The following CPEB2 variants were observed in gnomAD, a reference collection of about 807,000 sequenced individuals.
CPEB2 encodes cytoplasmic polyadenylation element binding protein 2.
CPEB2 carries 56 observed loss-of-function variants against 93.6 expected under a neutral mutation model. That is an observed-to-expected ratio of 0.60 (90% CI 0.48 to 0.75). CPEB2 has a LOEUF of 0.75. Among genes scored for constraint, CPEB2 ranks in the 30% least tolerant of loss-of-function variants. The pLI, the probability that CPEB2 is intolerant of heterozygous loss-of-function variation, is 0.00. For synonymous variants in CPEB2, 764 were observed against 586.3 expected, an observed-to-expected ratio of 1.30 and a Z score of -4.38; for missense variants, 1,579 against 1,395.1, an observed-to-expected ratio of 1.13 and a Z score of -2.10.
chr4:15,024,817 C>T (rs1260235025), intron 4 of CPEB2, among the ~76,000 whole-genome samples: 1 of 147,600 alleles, frequency 6.8e-6, no homozygotes, highest in African/African-American at 2.5e-5. Flanking sequence ...GTGATCTTGG[C>T]TCACTGCAAC....
At chr4:15,044,183 G>T (rs1395758588) in intron 6 of CPEB2, among the ~76,000 whole-genome samples, 2 of 152,174 alleles carry the variant, frequency 1.3e-5, no homozygotes, top group Admixed American at 6.5e-5. Flanking sequence ...TGGCCCGCAG[G>T]CCAAGGCTTC....
At chr4:15,027,648 T>G (rs908595311) in intron 4 of CPEB2, among the ~76,000 whole-genome samples, 1 of 152,112 alleles carries the variant, frequency 6.6e-6, no homozygotes. Flanking sequence ...ATTGGAAGAG[T>G]CTGTCAAATG....
intron 6 of CPEB2, among the ~76,000 whole-genome samples, chr4:15,050,735 CT>C (rs1728149067): frequency 6.6e-6 from 1 of 152,134 alleles, no homozygotes; most frequent in African/African-American, 2.4e-5. Flanking sequence ...TGCCCTCCCA[CT>C]TTTCTTACCA....
chr4:15,023,195 C>G (rs181150448), intron 4 of CPEB2, among the ~76,000 whole-genome samples: 299 of 152,092 alleles, frequency 2.0e-3, no homozygotes, highest in Admixed American at 3.7e-3. Flanking sequence ...GTTTATATCA[C>G]TTGTTTTAAA....
At chr4:15,061,886 T>G (rs34691405) in intron 10 of CPEB2, among the ~76,000 whole-genome samples, 193 bp from the exon 11 acceptor site, 67,429 of 147,980 alleles carry the variant, frequency 0.46, 16,778 homozygotes, top group East Asian at 0.75. Flanking sequence ...GATGTGATGG[T>G]GGTGAGTCAC....
Position 15,003,250 on chromosome 4 carries a change from T to A in CPEB2, c.577T>A (p.Ser193Thr). The A allele has an allele frequency of 6.6e-7, 1 of 1,504,698 alleles. No homozygotes were observed. Among genetic ancestry groups the A allele is most frequent in the Non-Finnish European group, 8.8e-7 (1 of 1,137,096 alleles). 93.2% of individuals were successfully genotyped at this position (1,504,698 alleles called of 1,614,324 possible). A position where few individuals can be genotyped will look rare whatever the true frequency, so the allele number is the denominator to read the frequency against. The change falls in exon 1 of 12, where the codon TCG (serine) becomes ACG (threonine). Residue 193 changes from serine to threonine, a missense_variant. Transcript: ENST00000538197. ...TCCCCACCTTCCCCACCCTCCGGAC[T>A]CGAAGCCGCCGCCGCCGCCTCCGCC... Reference protein sequence around the residue: ...SPPHLPHPPDSKPPPPPPPLH... With the variant: ...SPPHLPHPPDTKPPPPPPPLH...
chr4:15,015,489 A>G (rs1724020277), intron 3 of CPEB2, among the ~76,000 whole-genome samples: 1 of 152,014 alleles, frequency 6.6e-6, no homozygotes, highest in Admixed American at 6.6e-5. Flanking sequence ...CCTGACAGCA[A>G]CTTAGTCTAC....
intron 3 of CPEB2, among the ~76,000 whole-genome samples, chr4:15,013,151 T>A (rs1406923639): frequency 6.6e-6 from 1 of 151,842 alleles, no homozygotes; most frequent in African/African-American, 2.4e-5. Context: ...CTGTAAGTGT[T>A]TGTGGCAAAT....
At chr4:15,004,361 G>A (rs1357613466) in intron 1 of CPEB2, 26 bp downstream of exon 1, 4 of 1,411,042 alleles carry the variant, frequency 2.8e-6, no homozygotes, top group South Asian at 1.4e-5. Flanking sequence ...GCCTGGCCGC[G>A]CCGCGGGACC....
intron 1 of CPEB2, among the ~76,000 whole-genome samples, chr4:15,005,663 C>CT (rs1375030113): frequency 1.3e-5 from 2 of 152,130 alleles, no homozygotes; most frequent in Non-Finnish European, 2.9e-5. Flanking sequence ...AAGGATTAGT[C>CT]TTTTTAAAGT....
intron 8 of CPEB2, 75 bp downstream of exon 8, chr4:15,054,292 G>A: frequency 1.0e-6 from 1 of 991,134 alleles, no homozygotes; most frequent in East Asian, 2.5e-5. Context: ...CAATTACTTA[G>A]CCAGTTAGGA....
intron 3 of CPEB2, among the ~76,000 whole-genome samples, chr4:15,012,003 G>A (rs1723555617): frequency 1.3e-5 from 2 of 152,050 alleles, no homozygotes; most frequent in South Asian, 4.1e-4. Flanking sequence ...ATCATAATTT[G>A]GAGATCTGTC....
intron 6 of CPEB2, among the ~76,000 whole-genome samples, chr4:15,040,988 G>A (rs1419057231): frequency 6.6e-6 from 1 of 151,958 alleles, no homozygotes; most frequent in Non-Finnish European, 1.5e-5. Context: ...TGTTTTCTAA[G>A]AATATAACCC....
chr4:15,004,224 G>A lies in CPEB2; in HGVS notation c.1551G>A (p.Ala517=). ...IPQQQPPPPA[A]PQQPQSRRSP... Reference sequence around the variant, plus strand: ...AACAGCAGCCCCCGCCGCCCGCGGCGCCGCAGCAGCCGCAGAGCCGGAGGT... The same window carrying A: ...AACAGCAGCCCCCGCCGCCCGCGGCACCGCAGCAGCCGCAGAGCCGGAGGT... The change falls in exon 1 of 12, where the codon GCG becomes GCA. Residue 517 remains alanine, a synonymous_variant. Transcript: ENST00000538197. 1 of 1,482,508 alleles carries A rather than the reference G, an allele frequency of 6.7e-7. No homozygotes were observed. Among genetic ancestry groups the A allele is most frequent in the Non-Finnish European group, 8.9e-7 (1 of 1,121,768 alleles). 91.8% of individuals were successfully genotyped at this position (1,482,508 alleles called of 1,614,324 possible).
At chr4:15,022,332 A>G (rs749275005) in intron 4 of CPEB2, among the ~76,000 whole-genome samples, 2 of 152,330 alleles carry the variant, frequency 1.3e-5, no homozygotes, top group Admixed American at 6.5e-5. Flanking sequence ...ATCTGCTCTT[A>G]CAGGACTCTT....
At chr4:15,048,808 G>A (rs914039505) in intron 6 of CPEB2, among the ~76,000 whole-genome samples, 11 of 151,816 alleles carry the variant, frequency 7.2e-5, no homozygotes, top group Non-Finnish European at 1.5e-4. Context: ...GAAAACATAC[G>A]TATGGTATCC....
At position 15,002,759 on chromosome 4, in the gene CPEB2, G is replaced by GTCCTTAC. The variant is rs1228394355; in HGVS notation, c.87_93dup (p.Ala32SerfsTer67). ...CCCCTGTTCTGCGGCGAGGCGTATG[G>GTCCTTAC]TCCTTACGCCGTGGGGTCCGTCAAC... On this transcript the variant is annotated frameshift_variant, in exon 1 of 12. Coordinates refer to ENST00000538197, the MANE Select transcript of CPEB2 (RefSeq NM_001177382.2). LOFTEE classifies it high-confidence loss of function. 9.1e-6 allele frequency: 14 copies of GTCCTTAC among 1,535,554 alleles called. No homozygotes were observed. The highest frequency in any genetic ancestry group is 1.0e-5 in the Non-Finnish European group (12 of 1,146,686).
intron 8 of CPEB2, among the ~76,000 whole-genome samples, chr4:15,056,230 G>A (rs927006008): frequency 1.3e-4 from 20 of 152,062 alleles, no homozygotes; most frequent in African/African-American, 4.6e-4. Flanking sequence ...TTCACTGAGA[G>A]GTTTGGAATT....
intron 6 of CPEB2, among the ~76,000 whole-genome samples, chr4:15,044,095 A>C (rs975765590): frequency 6.6e-6 from 1 of 152,190 alleles, no homozygotes; most frequent in African/African-American, 2.4e-5. Context: ...TAACTTCAAT[A>C]ATTGTGAGAG....
Sources: allele counts gnomAD v4.1 joint callset (sites outside exome capture counted in the v4.1 genomes callset), GRCh38; gene constraint gnomAD v4.1.1; transcripts MANE v1.5; gene names NCBI Gene and HGNC (gene_info 2026-07-23, HGNC 2026-07-21).